The following RCOR1 variants were observed in gnomAD, a reference collection of about 807,000 sequenced individuals.
RCOR1 encodes REST corepressor.
A neutral mutation model predicts 64.0 loss-of-function variants in RCOR1; 12 were observed. The ratio of observed to expected loss-of-function variants is 0.19; its 90% CI spans 0.12 to 0.30. The LOEUF (loss-of-function observed/expected upper bound fraction) is 0.30. RCOR1 is among the 10% of genes least tolerant of loss of function. RCOR1 has a pLI of 1.00. For missense variants in RCOR1, 502 were observed against 621.2 expected (o/e 0.81, Z 2.04); for synonymous variants, 279 against 227.2 (o/e 1.23, Z -2.05).
intron 2 of RCOR1, among the ~76,000 whole-genome samples, chr14:102,616,709 G>A (rs751877314): frequency 2.6e-5 from 4 of 152,132 alleles, no homozygotes; most frequent in Non-Finnish European, 1.5e-5. Flanking sequence ...ACATGGCTGT[G>A]CTTCTCTTTA....
chr14:102,681,743 C>T, intron 2 of RCOR1, 152 bp from the exon 3 acceptor site: 1 of 554,294 alleles, frequency 1.8e-6, no homozygotes, highest in Non-Finnish European at 3.2e-6. Flanking sequence ...TCTCGCCTCC[C>T]CCATCTCCAT....
At chr14:102,714,392 G>C in intron 7 of RCOR1, 31 bp from the exon 8 acceptor site, 2 of 1,458,940 alleles carry the variant, frequency 1.4e-6, no homozygotes. Context: ...CTTTTTTTAA[G>C]TTTCATTCAT....
intron 2 of RCOR1, among the ~76,000 whole-genome samples, chr14:102,610,555 A>G (rs1893608583): frequency 6.6e-6 from 1 of 151,710 alleles, no homozygotes; most frequent in Admixed American, 6.6e-5. Flanking sequence ...TATTATTGCT[A>G]TTATTATTAT....
rs112784769 is a variant in RCOR1 at position 102,719,356 on chromosome 14, G to A, written c.1054-1651G>A. ...CATGTTGGTGTGCTGCACCCACTTC[G>A]TCATTTACATTAGGTATATCTCCTA... On this transcript the variant is annotated intron_variant, in intron 8 of 11. Coordinates refer to ENST00000262241, the MANE Select transcript of RCOR1 (RefSeq NM_015156.4). Among the ~76,000 whole-genome samples, 784 of 152,136 alleles carry A rather than the reference G, an allele frequency of 5.2e-3. 7 individuals are homozygous for A. Among genetic ancestry groups the A allele is most frequent in the African/African-American group, 0.017 (690 of 41,496 alleles).
At chr14:102,630,144 C>T (rs1182485426) in intron 2 of RCOR1, 1 of 236,902 alleles carries the variant, frequency 4.2e-6, no homozygotes, top group Non-Finnish European at 6.9e-6. Context: ...GGGCTGGAAC[C>T]CTCATAAATA....
At chr14:102,641,435 AC>A (rs1371316872) in intron 2 of RCOR1, among the ~76,000 whole-genome samples, 1 of 152,066 alleles carries the variant, frequency 6.6e-6, no homozygotes, top group Non-Finnish European at 1.5e-5. Flanking sequence ...CCCCATCTCT[AC>A]AAAAAGTACA....
chr14:102,602,184 G>C (rs115902598), intron 2 of RCOR1, among the ~76,000 whole-genome samples: 3,544 of 151,262 alleles, frequency 0.023, 130 homozygotes, highest in African/African-American at 0.077. Context: ...GTGATAATAT[G>C]TTTTCTTGTT....
At chr14:102,706,070 G>A (rs556906076) in intron 4 of RCOR1, among the ~76,000 whole-genome samples, 2 of 115,392 alleles carry the variant, frequency 1.7e-5, no homozygotes, top group Admixed American at 1.3e-4. Flanking sequence ...CCAAGATCAT[G>A]ACATTGCTCC....
intron 2 of RCOR1, among the ~76,000 whole-genome samples, chr14:102,676,725 G>C (rs1288025014): frequency 8.9e-6 from 1 of 111,742 alleles, no homozygotes; most frequent in African/African-American, 3.7e-5. Context: ...TGGCCGGGCG[G>C]GGGGCTGACC....
intron 2 of RCOR1, among the ~76,000 whole-genome samples, chr14:102,636,812 A>T (rs889205940): frequency 1.3e-5 from 2 of 151,844 alleles, no homozygotes; most frequent in Admixed American, 6.6e-5. Flanking sequence ...CTCTACTACA[A>T]ATACAAAAAT....
rs112681399 is a variant in RCOR1, at chr14:102,716,454, G to A, written c.1053+1837G>A. Among the ~76,000 whole-genome samples, 1,022 of 152,256 alleles carry A rather than the reference G, an allele frequency of 6.7e-3. 13 individuals are homozygous for A. Among genetic ancestry groups the A allele is most frequent in the African/African-American group, 0.024 (987 of 41,546 alleles). On this transcript the variant is annotated intron_variant, in intron 8 of 11. Coordinates refer to ENST00000262241, the MANE Select transcript of RCOR1 (RefSeq NM_015156.4). ...TGTTCACCTTTCTCAAGGTCATGAC[G>A]ATATTCTCTCATGTTAGTCTTAGAA...
chr14:102,593,176 A>G lies in RCOR1; in HGVS notation c.290A>G (p.Asp97Gly). ...WEEGSSGSSS[D>G]EEHGGGGMRV... is the part of the protein sequence containing the mutation. Reference sequence around the variant, plus strand: ...GAAGGCAGCTCGGGCTCGTCCAGCGACGAGGAGCACGGTAGGTGGCAGCCG... The same window carrying G: ...GAAGGCAGCTCGGGCTCGTCCAGCGGCGAGGAGCACGGTAGGTGGCAGCCG... Residue 97 changes from aspartate to glycine, a missense_variant, in exon 1 of 12, where the codon GAC becomes GGC. Transcript: ENST00000262241. The G allele has an allele frequency of 6.6e-7, 1 of 1,514,262 alleles. No individual in the cohort carries two copies. Among genetic ancestry groups the G allele is most frequent in the Non-Finnish European group, 8.8e-7 (1 of 1,137,190 alleles). The allele number at this position is 1,514,262 out of a possible 1,614,324, so 93.8% of individuals were successfully genotyped here.
chr14:102,728,334 G>A lies in RCOR1; in HGVS notation c.*1828G>A, dbSNP rs937548093. 5 of 152,176 alleles carry A rather than the reference G, an allele frequency of 3.3e-5. No homozygotes were observed. The highest frequency in any genetic ancestry group is 5.9e-5 in the Non-Finnish European group (4 of 68,052). 9.4% of individuals were successfully genotyped at this position (152,176 alleles called of 1,614,324 possible). On this transcript the variant is annotated 3_prime_UTR_variant, in exon 12 of 12. Transcript: ENST00000262241. ...GGATTGCTGCTGCTACCTGGAGACA[G>A]GGTTAGCAAAATAACACTAGTGATG...
intron 10 of RCOR1, 68 bp from the exon 11 acceptor site, chr14:102,722,119 G>A: frequency 9.0e-7 from 1 of 1,108,192 alleles, no homozygotes; most frequent in Non-Finnish European, 1.4e-6. Context: ...AAAGAGGTAA[G>A]TGTCACTTGT....
At chr14:102,725,116 C>T (rs1403109984) in intron 11 of RCOR1, among the ~76,000 whole-genome samples, 1 of 152,178 alleles carries the variant, frequency 6.6e-6, no homozygotes, top group Non-Finnish European at 1.5e-5. Context: ...TCATATCCAA[C>T]CTTACACTGA....
At chr14:102,726,418 GT>G (rs1566716023) in intron 11 of RCOR1, 49 bp from the exon 12 acceptor site, 1 of 1,521,712 alleles carries the variant, frequency 6.6e-7, no homozygotes, top group Non-Finnish European at 8.9e-7. Flanking sequence ...AGCTTGTGTT[GT>G]TTACCTACTC....
intron 2 of RCOR1, among the ~76,000 whole-genome samples, chr14:102,612,903 G>A (rs1375570021): frequency 6.7e-6 from 1 of 149,706 alleles, no homozygotes; most frequent in Admixed American, 6.7e-5. Flanking sequence ...GCTGCTATGA[G>A]GTATGATCAC....
At chr14:102,663,719 T>C (rs1894867394) in intron 2 of RCOR1, among the ~76,000 whole-genome samples, 1 of 152,102 alleles carries the variant, frequency 6.6e-6, no homozygotes, top group East Asian at 1.9e-4. Flanking sequence ...TTAAGAGAAA[T>C]AGGAGAAACC....
chr14:102,612,489 A>G (rs982236793), intron 2 of RCOR1, among the ~76,000 whole-genome samples: 15 of 151,490 alleles, frequency 9.9e-5, no homozygotes, highest in African/African-American at 3.6e-4. Flanking sequence ...GTGAGCCACC[A>G]CGCCCGGTCT....
Sources: allele counts gnomAD v4.1 joint callset (sites outside exome capture counted in the v4.1 genomes callset), GRCh38; gene constraint gnomAD v4.1.1; transcripts MANE v1.5; gene names NCBI Gene and HGNC (gene_info 2026-07-23, HGNC 2026-07-21).